The following SRGAP2 variants were observed in gnomAD, a reference collection of about 807,000 sequenced individuals.
The protein encoded by SRGAP2 is SLIT-ROBO Rho GTPase activating protein 2, also known as SLIT-ROBO Rho GTPase-activating protein 2.
SRGAP2 carries 15 observed loss-of-function variants against 57.2 expected under a neutral mutation model. The observed-to-expected ratio is 0.26, with a 90% CI of 0.18 to 0.40. The LOEUF (loss-of-function observed/expected upper bound fraction) is 0.40, where lower values mean the gene tolerates loss of function less well. Ranked by LOEUF, SRGAP2 falls within the 10% of genes least tolerant of loss-of-function variation. The pLI is 1.00. For synonymous variants in SRGAP2, 249 were observed against 248.0 expected, an observed-to-expected ratio of 1.00 and a Z score of -0.04; for missense variants, 520 against 669.6, an observed-to-expected ratio of 0.78 and a Z score of 2.47.
intron 5 of SRGAP2, among the ~76,000 whole-genome samples, chr1:206,388,536 CTTGAA>C (rs1553349208): frequency 1.3e-5 from 2 of 150,224 alleles, no homozygotes; most frequent in African/African-American, 4.9e-5. Flanking sequence ...TGAAGAGATA[CTTGAA>C]TTGAATCTTT....
Position 206,454,511 on chromosome 1 carries a change from G to A in SRGAP2, c.2361-367G>A. ...TTACCCGGCAGTGCTCAGGACCTCA[G>A]CCGATAAACCACAACCTGGACTTGC... On this transcript the variant is annotated intron_variant, in intron 20 of 22. Transcript: ENST00000573034. The surrounding 1 kb of genome is among the most constrained non-coding windows in gnomAD (Gnocchi z 4.3). 2.4e-6 allele frequency: 1 copy of A among 420,096 alleles called. No homozygotes were observed. The highest frequency in any genetic ancestry group is 4.3e-5 in the East Asian group (1 of 23,396). 26.0% of individuals were successfully genotyped at this position (420,096 alleles called of 1,614,324 possible).
At chr1:206,376,956 T>G (rs1553345023) in intron 4 of SRGAP2, among the ~76,000 whole-genome samples, 2 of 151,782 alleles carry the variant, frequency 1.3e-5, no homozygotes, top group African/African-American at 4.9e-5. Context: ...GTATTTAAAC[T>G]TTGATCTCAT....
At chr1:206,255,249 G>A (rs1248203416) in intron 2 of SRGAP2, among the ~76,000 whole-genome samples, 2 of 151,298 alleles carry the variant, frequency 1.3e-5, no homozygotes, top group East Asian at 2.0e-4. Flanking sequence ...GGCCTGTCTC[G>A]TCAGGTTGGT....
At chr1:206,436,391 C>A (rs1250099927) in intron 14 of SRGAP2, among the ~76,000 whole-genome samples, 7 of 151,542 alleles carry the variant, frequency 4.6e-5, no homozygotes, top group Non-Finnish European at 8.8e-5. Context: ...CACTCTGTCA[C>A]CCAGGCTGGA....
intron 7 of SRGAP2, among the ~76,000 whole-genome samples, chr1:206,394,042 T>C (rs1657312632): frequency 1.2e-5 from 1 of 81,816 alleles, no homozygotes; most frequent in Non-Finnish European, 2.4e-5. Context: ...TTCTTCCTTT[T>C]TTTTTTTTTT....
chr1:206,282,030 A>G (rs1322861900), intron 2 of SRGAP2, among the ~76,000 whole-genome samples: 1 of 135,522 alleles, frequency 7.4e-6, no homozygotes, highest in African/African-American at 2.9e-5. Flanking sequence ...AATCATGACA[A>G]ATTCTACAGA....
intron 2 of SRGAP2, among the ~76,000 whole-genome samples, chr1:206,266,985 T>C (rs1184521370): frequency 2.2e-5 from 3 of 135,976 alleles, no homozygotes; most frequent in African/African-American, 8.4e-5. Context: ...TTTTTTTTTT[T>C]TGAGACGGAG....
At chr1:206,426,420 CA>C (rs1553366335) in intron 13 of SRGAP2, among the ~76,000 whole-genome samples, 1 of 152,192 alleles carries the variant, frequency 6.6e-6, no homozygotes, top group Non-Finnish European at 1.5e-5. Context: ...GTGAATAATG[CA>C]GCAATAAACC....
At chr1:206,395,900 A>G (rs1324769666) in intron 7 of SRGAP2, among the ~76,000 whole-genome samples, 1 of 149,818 alleles carries the variant, frequency 6.7e-6, no homozygotes, top group African/African-American at 2.5e-5. Flanking sequence ...ATTGAAAAAG[A>G]GGCTGCCTTA....
chr1:206,434,322 G>C lies in SRGAP2; in HGVS notation c.1556-2643G>C, dbSNP rs116532126. ...CAAAAAAACAAACCGCCATTTTCAT[G>C]AGGAAGGGAGCAAGATAACGTGAAC... On this transcript the variant is annotated intron_variant, in intron 14 of 22. Coordinates refer to ENST00000573034, the MANE Select transcript of SRGAP2 (RefSeq NM_015326.5). Among the ~76,000 whole-genome samples the C allele has an allele frequency of 3.0e-4, 46 of 152,342 alleles. 1 individual carries two copies. Among genetic ancestry groups the C allele is most frequent in the Non-Finnish European group, 5.7e-4 (39 of 68,028 alleles).
At chr1:206,240,724 A>G (rs1369612132) in intron 2 of SRGAP2, among the ~76,000 whole-genome samples, 1 of 152,174 alleles carries the variant, frequency 6.6e-6, no homozygotes, top group Non-Finnish European at 1.5e-5. Flanking sequence ...TGAGGAAACT[A>G]AGGCTCAGAA....
chr1:206,341,202 A>G (rs1274550434), intron 3 of SRGAP2, among the ~76,000 whole-genome samples: 14 of 152,248 alleles, frequency 9.2e-5, no homozygotes, highest in Non-Finnish European at 1.5e-4. Context: ...TTTACAAATC[A>G]CAAGTGCCTG....
At chr1:206,272,995 A>G (rs1235337357) in intron 2 of SRGAP2, among the ~76,000 whole-genome samples, 2 of 152,034 alleles carry the variant, frequency 1.3e-5, no homozygotes, top group African/African-American at 4.8e-5. Context: ...GACAGTTTGG[A>G]AAATACAGAA....
chr1:206,303,164 G>A, intron 2 of SRGAP2, 117 bp from the exon 3 acceptor site: 1 of 507,914 alleles, frequency 2.0e-6, no homozygotes, highest in South Asian at 3.1e-5. Flanking sequence ...TTTTGTTCAG[G>A]GCTTTCAATT....
At chr1:206,395,946 CA>C (rs1297858680) in intron 7 of SRGAP2, among the ~76,000 whole-genome samples, 1 of 146,592 alleles carries the variant, frequency 6.8e-6, no homozygotes, top group Non-Finnish European at 1.5e-5. Context: ...TCACTGGGAT[CA>C]AAAGGCTACA....
At chr1:206,244,896 A>G (rs1668451458) in intron 2 of SRGAP2, among the ~76,000 whole-genome samples, 1 of 151,264 alleles carries the variant, frequency 6.6e-6, no homozygotes, top group South Asian at 2.1e-4. Flanking sequence ...TTTATGAGAA[A>G]TGAATATAGG....
At chr1:206,314,143 GT>G (rs879046395) in intron 3 of SRGAP2, among the ~76,000 whole-genome samples, 3 of 147,796 alleles carry the variant, frequency 2.0e-5, no homozygotes, top group Admixed American at 6.7e-5. Context: ...TGTTGTTTGG[GT>G]TTTTTTTTAG....
chr1:206,237,715 C>T (rs1553308409), intron 2 of SRGAP2, among the ~76,000 whole-genome samples: 1 of 149,138 alleles, frequency 6.7e-6, no homozygotes, highest in Non-Finnish European at 1.5e-5. Context: ...CGTGAACTAA[C>T]TACTGACCCT....
chr1:206,439,382 A>G (rs1017010251), intron 16 of SRGAP2, among the ~76,000 whole-genome samples: 5 of 151,924 alleles, frequency 3.3e-5, no homozygotes, highest in Non-Finnish European at 7.4e-5. Flanking sequence ...TTACTCATTC[A>G]TAGTGCAGAT....
Sources: allele counts gnomAD v4.1 joint callset (sites outside exome capture counted in the v4.1 genomes callset), GRCh38; gene constraint gnomAD v4.1.1; non-coding constraint Gnocchi (gnomAD v3.1); transcripts MANE v1.5; gene names NCBI Gene and HGNC (gene_info 2026-07-23, HGNC 2026-07-21).